PTPRD: variants seen among roughly 807,000 people sequenced by gnomAD.
The protein encoded by PTPRD is receptor-type tyrosine-protein phosphatase delta.
A neutral mutation model predicts 214.5 loss-of-function variants in PTPRD; 34 were observed. The ratio of observed to expected loss-of-function variants is 0.16; its 90% CI spans 0.12 to 0.21. The LOEUF (loss-of-function observed/expected upper bound fraction) is 0.21, where lower values mean the gene tolerates loss of function less well. Among genes scored for constraint, PTPRD ranks in the 10% least tolerant of loss-of-function variants. The pLI is 1.00. For missense variants in PTPRD, 2,545 were observed against 2,398.7 expected (o/e 1.06, Z -1.27); for synonymous variants, 1,128 against 845.7 (o/e 1.33, Z -5.79).
At chr9:9,242,868 T>C (rs918619681) in intron 9 of PTPRD, among the ~76,000 whole-genome samples, 4 of 152,170 alleles carry the variant, frequency 2.6e-5, no homozygotes, top group Non-Finnish European at 5.9e-5. Flanking sequence ...TCCAGCTATG[T>C]TCCATTGCTG....
At chr9:9,588,700 T>C (rs2092374912) in intron 7 of PTPRD, among the ~76,000 whole-genome samples, 1 of 152,014 alleles carries the variant, frequency 6.6e-6, no homozygotes, top group African/African-American at 2.4e-5. Context: ...TACCAGTCCT[T>C]GAATTGTTAA....
chr9:9,323,426 A>G (rs10977660), intron 9 of PTPRD, among the ~76,000 whole-genome samples: 2,546 of 152,290 alleles, frequency 0.017, 37 homozygotes, highest in East Asian at 0.07. Context: ...GGAGGCTTAG[A>G]GAAGTTAAGT....
At chr9:8,369,856 C>G (rs1398142274) in intron 39 of PTPRD, among the ~76,000 whole-genome samples, 2 of 151,792 alleles carry the variant, frequency 1.3e-5, no homozygotes, top group Non-Finnish European at 2.9e-5. Flanking sequence ...ATAACTGATT[C>G]ACTGAAATTA....
At chr9:9,165,049 C>T (rs1170726253) in intron 10 of PTPRD, among the ~76,000 whole-genome samples, 1 of 91,382 alleles carries the variant, frequency 1.1e-5, no homozygotes, top group Non-Finnish European at 2.1e-5. Context: ...AAGACTCCAT[C>T]TCAAAAAAAA....
chr9:10,226,084 C>A (rs974241974), intron 3 of PTPRD, among the ~76,000 whole-genome samples: 2 of 151,962 alleles, frequency 1.3e-5, no homozygotes, highest in African/African-American at 4.8e-5. Flanking sequence ...CATAGGATCC[C>A]AGCTGGAATG....
At chr9:8,823,460 T>C (rs1354174983) in intron 11 of PTPRD, among the ~76,000 whole-genome samples, 1 of 152,020 alleles carries the variant, frequency 6.6e-6, no homozygotes, top group African/African-American at 2.4e-5. Flanking sequence ...CGCCAGCAAG[T>C]TTATATGCCA....
At chr9:8,923,182 C>T (rs1038025765) in intron 11 of PTPRD, among the ~76,000 whole-genome samples, 2 of 151,744 alleles carry the variant, frequency 1.3e-5, no homozygotes, top group Non-Finnish European at 2.9e-5. Flanking sequence ...GCTGGGATTA[C>T]AGGCGCCTGC....
chr9:9,944,885 C>G (rs1355591647), intron 4 of PTPRD, among the ~76,000 whole-genome samples: 2 of 151,718 alleles, frequency 1.3e-5, no homozygotes, highest in African/African-American at 4.8e-5. Flanking sequence ...TCCAGTTTGG[C>G]CAGATGTAGA....
intron 11 of PTPRD, among the ~76,000 whole-genome samples, chr9:9,003,386 C>T (rs996953464): frequency 6.6e-6 from 1 of 152,054 alleles, no homozygotes; most frequent in African/African-American, 2.4e-5. Flanking sequence ...CAAAGCCTCC[C>T]TCTGCTGGCC....
At chr9:8,862,251 G>A (rs901603281) in intron 11 of PTPRD, 1 of 152,234 alleles carries the variant, frequency 6.6e-6, no homozygotes, top group African/African-American at 2.4e-5. Flanking sequence ...AGCTACTCGG[G>A]AGGCTGAGAC....
intron 9 of PTPRD, among the ~76,000 whole-genome samples, chr9:9,244,856 A>C (rs1421190728): frequency 6.6e-6 from 1 of 152,206 alleles, no homozygotes; most frequent in Non-Finnish European, 1.5e-5. Flanking sequence ...GGCAACCTAC[A>C]GAATGGGAGA....
At chr9:8,652,723 T>G in intron 12 of PTPRD, among the ~76,000 whole-genome samples, 1 of 152,206 alleles carries the variant, frequency 6.6e-6, no homozygotes, top group Admixed American at 6.5e-5. Context: ...ACTTGAGTGT[T>G]AGATACAAGA....
At chr9:9,450,950 T>TACACACACACACACACACACACACAC (rs145703989) in intron 8 of PTPRD, among the ~76,000 whole-genome samples, 1 of 136,592 alleles carries the variant, frequency 7.3e-6, no homozygotes, top group African/African-American at 2.8e-5. Context: ...CATACATACA[T>TACACACACACACACACACACACACAC]ACACACACAC....
chr9:10,014,014 C>T (rs2096652047), intron 4 of PTPRD, among the ~76,000 whole-genome samples: 1 of 151,898 alleles, frequency 6.6e-6, no homozygotes, highest in Non-Finnish European at 1.5e-5. Flanking sequence ...CTAAAGTTAT[C>T]TCCAAGGTTA....
chr9:9,471,388 T>A (rs191044867), intron 8 of PTPRD, among the ~76,000 whole-genome samples: 3 of 152,132 alleles, frequency 2.0e-5, no homozygotes, highest in Non-Finnish European at 4.4e-5. Context: ...TACAAAGCGA[T>A]CATATTTCAT....
At chr9:9,666,784 A>G (rs554080784) in intron 7 of PTPRD, among the ~76,000 whole-genome samples, 39 of 152,118 alleles carry the variant, frequency 2.6e-4, no homozygotes, top group African/African-American at 9.4e-4. Flanking sequence ...AAAACCAAAA[A>G]TGTGTTTAAT....
chr9:10,075,957 T>C (rs889872093), intron 3 of PTPRD, among the ~76,000 whole-genome samples: 20 of 152,154 alleles, frequency 1.3e-4, no homozygotes, highest in African/African-American at 4.8e-4. Flanking sequence ...TTCCATGGAG[T>C]AGCAAAAATA....
chr9:10,414,034 C>A (rs1225658215), intron 2 of PTPRD, among the ~76,000 whole-genome samples: 1 of 151,922 alleles, frequency 6.6e-6, no homozygotes, highest in African/African-American at 2.4e-5. Context: ...ACATTCTGCA[C>A]ATAGAAATGG....
chr9:9,569,397 C>A (rs985870201), intron 8 of PTPRD, among the ~76,000 whole-genome samples: 2 of 151,712 alleles, frequency 1.3e-5, no homozygotes, highest in African/African-American at 4.8e-5. Flanking sequence ...CATGTGATAA[C>A]AGTGGCAGTT....
Sources: gnomAD v4.1 joint callset for allele counts (sites outside exome capture counted in the v4.1 genomes callset) on GRCh38, gnomAD v4.1.1 for gene constraint, MANE v1.5 for transcripts, NCBI Gene and HGNC (gene_info 2026-07-23, HGNC 2026-07-21) for gene names.